Variants in CLIC5 observed in about 807,000 individuals in gnomAD.
CLIC5 encodes chloride intracellular channel protein 5.
Under a neutral mutation model 24.7 loss-of-function variants are expected in CLIC5, and 20 were observed. The ratio of observed to expected loss-of-function variants is 0.81; its 90% confidence interval spans 0.57 to 1.18. CLIC5 has a LOEUF of 1.18. CLIC5 is among the 50% of genes most tolerant of loss of function. CLIC5 has a pLI of 0.00. For synonymous variants in CLIC5, 159 were observed against 135.6 expected (o/e 1.17, Z -1.20); for missense variants, 341 against 326.1 (o/e 1.05, Z -0.35).
the CLIC5 span, among the ~76,000 whole-genome samples, chr6:46,116,138 G>C: frequency 2.6e-5 from 4 of 151,936 alleles, no homozygotes; most frequent in Non-Finnish European, 4.4e-5. Context: ...CAAGACCACA[G>C]AGTCTGGAAG....
At position 45,902,762 on chromosome 6, in the gene CLIC5, T is replaced by C. The variant is rs1762543060; in HGVS notation, c.*326A>G. ...TTTCTAAAGCATCTGAGAAGGTATTTTGATATTGGCAGAAGAAGCTAGTGG... is the reference window on the plus strand; with the variant it reads ...TTTCTAAAGCATCTGAGAAGGTATTCTGATATTGGCAGAAGAAGCTAGTGG... On this transcript the variant is annotated 3_prime_UTR_variant, in exon 6 of 6. Transcript: ENST00000339561. 1 of 305,770 alleles carries C rather than the reference T, an allele frequency of 3.3e-6. No individual in the cohort carries two copies. The highest frequency in any genetic ancestry group is 4.9e-5 in the South Asian group (1 of 20,246). 18.9% of individuals were successfully genotyped at this position (305,770 alleles called of 1,614,324 possible).
intron 1 of CLIC5, among the ~76,000 whole-genome samples, chr6:46,040,630 G>A (rs916053220): frequency 2.6e-4 from 39 of 152,210 alleles, no homozygotes; most frequent in African/African-American, 9.2e-4. Context: ...TGACGATGTT[G>A]TTGGTAGTGA....
intron 1 of CLIC5, among the ~76,000 whole-genome samples, chr6:45,996,921 T>G (rs1484721838): frequency 6.6e-6 from 1 of 151,992 alleles, no homozygotes; most frequent in Non-Finnish European, 1.5e-5. Flanking sequence ...GTAAACTAGT[T>G]CAACCATTGT....
chr6:45,920,568 C>G (rs3777553), intron 4 of CLIC5: 3 of 489,106 alleles, frequency 6.1e-6, no homozygotes, highest in Middle Eastern at 2.1e-3. Context: ...GATGGCCACA[C>G]TTGTTGACAT....
Position 45,914,628 on chromosome 6 carries a change from C to T in CLIC5, c.407-219G>A, listed in dbSNP as rs12214999. On this transcript the variant is annotated intron_variant, in intron 4 of 5. Transcript: ENST00000339561. The stretch of plus-strand genomic sequence containing the variant: ...ACTCTAACCAAACAATAAACACTAG[C>T]TAATCTTTTGCTTTGAAAAAAATAC... The T allele has an allele frequency of 2.7e-4, 236 of 890,516 alleles. 2 individuals are homozygous for T. In the African/African-American group the frequency reaches 3.8e-3, roughly 14 times the overall value. 55.2% of individuals were successfully genotyped at this position (890,516 alleles called of 1,614,324 possible).
chr6:46,014,046 G>T (rs957480107), intron 1 of CLIC5, among the ~76,000 whole-genome samples: 1 of 152,118 alleles, frequency 6.6e-6, no homozygotes. Flanking sequence ...GGGTGGGGGT[G>T]GGGGGAGTCC....
Position 45,902,847 on chromosome 6 carries a change from G to T in CLIC5, c.*241C>A. 1.9e-6 allele frequency: 1 copy of T among 525,540 alleles called. No individual in the cohort carries two copies. Among genetic ancestry groups the T allele is most frequent in the South Asian group, 2.3e-5 (1 of 44,130 alleles). 32.6% of individuals were successfully genotyped at this position (525,540 alleles called of 1,614,324 possible). ...CCCCAAACATGCTGAGCCCAGATCA[G>T]GCTGGCCGGCCGAAAGGTGGACTGT... On this transcript the variant is annotated 3_prime_UTR_variant, in exon 6 of 6. Transcript: ENST00000339561.
intron 1 of CLIC5, among the ~76,000 whole-genome samples, chr6:46,023,858 C>T (rs565047710): frequency 1.3e-5 from 2 of 150,716 alleles, no homozygotes; most frequent in Non-Finnish European, 2.9e-5. Flanking sequence ...AAACCTTGGA[C>T]GGAGTCCAAG....
chr6:45,993,387 A>C (rs771367691), intron 1 of CLIC5, among the ~76,000 whole-genome samples: 17 of 152,222 alleles, frequency 1.1e-4, no homozygotes, highest in Non-Finnish European at 2.4e-4. Flanking sequence ...TCAACAATCA[A>C]TCAAGCTCTG....
intron 4 of CLIC5, among the ~76,000 whole-genome samples, chr6:45,918,409 C>T (rs1357501037): frequency 6.6e-6 from 1 of 152,216 alleles, no homozygotes; most frequent in African/African-American, 2.4e-5. Context: ...CCAACAAGTT[C>T]TTGCAAGAAC....
At chr6:46,107,443 A>G in the CLIC5 span, among the ~76,000 whole-genome samples, 1 of 152,198 alleles carries the variant, frequency 6.6e-6, no homozygotes, top group South Asian at 2.1e-4. Context: ...CCTTGTCCCA[A>G]GATCTGCATC....
the CLIC5 span, among the ~76,000 whole-genome samples, chr6:46,098,197 T>C: frequency 6.6e-6 from 1 of 152,240 alleles, no homozygotes; most frequent in East Asian, 1.9e-4. Flanking sequence ...AAATATGCTA[T>C]TGAGGGCAAA....
At chr6:46,056,671 A>T (rs983578812) in intron 1 of CLIC5, among the ~76,000 whole-genome samples, 1 of 152,138 alleles carries the variant, frequency 6.6e-6, no homozygotes, top group Non-Finnish European at 1.5e-5. Flanking sequence ...ACAGAGACCA[A>T]TGTTAATTAT....
At chr6:46,071,592 G>T (rs947581431) in intron 1 of CLIC5, among the ~76,000 whole-genome samples, 1 of 152,104 alleles carries the variant, frequency 6.6e-6, no homozygotes, top group African/African-American at 2.4e-5. Context: ...AACAGGTGCT[G>T]GCAAAGTTGC....
At chr6:46,006,015 T>TATAC (rs66757100) in intron 1 of CLIC5, among the ~76,000 whole-genome samples, 21 of 137,980 alleles carry the variant, frequency 1.5e-4, no homozygotes, top group Admixed American at 5.2e-4. Flanking sequence ...TATATATATA[T>TATAC]ACACACATGT....
upstream of CLIC5, chr6:46,080,375 C>T (rs552905319): frequency 1.1e-4 from 73 of 662,410 alleles, no homozygotes; most frequent in South Asian, 1.2e-3. Context: ...CAACTGCTAT[C>T]AATGACAGGT....
At chr6:45,988,451 C>G (rs1422636847) in intron 1 of CLIC5, among the ~76,000 whole-genome samples, 1 of 152,172 alleles carries the variant, frequency 6.6e-6, no homozygotes, top group African/African-American at 2.4e-5. Flanking sequence ...GTTAAGCTCA[C>G]AGATACACTC....
intron 1 of CLIC5, among the ~76,000 whole-genome samples, chr6:46,063,263 G>C (rs1324231463): frequency 6.6e-6 from 1 of 152,142 alleles, no homozygotes. Context: ...GAAGAACAGA[G>C]AAGCAACTCA....
intron 1 of CLIC5, among the ~76,000 whole-genome samples, chr6:45,975,549 T>C (rs572562299): frequency 1.5e-4 from 23 of 152,274 alleles, no homozygotes; most frequent in South Asian, 4.2e-4. Flanking sequence ...CAGATTCTCA[T>C]TGGGGCAGGC....
Sources: allele counts gnomAD v4.1 joint callset (sites outside exome capture counted in the v4.1 genomes callset), GRCh38; gene constraint gnomAD v4.1.1; transcripts MANE v1.5; gene names NCBI Gene and HGNC (gene_info 2026-07-23, HGNC 2026-07-21).